TNFSF4: variants seen among roughly 807,000 people sequenced by gnomAD.
TNFSF4 encodes the protein tumor necrosis factor ligand superfamily member 4.
In TNFSF4, 4 loss-of-function variants were observed where a neutral mutation model predicts 7.3. The observed-to-expected ratio is 0.55, with a 90% CI of 0.27 to 1.25. The LOEUF (loss-of-function observed/expected upper bound fraction) is 1.25. Ranked by LOEUF, TNFSF4 falls within the 50% of genes most tolerant of loss-of-function variation. TNFSF4 has a pLI of 0.12. For synonymous variants in TNFSF4, 76 were observed against 83.7 expected, an observed-to-expected ratio of 0.91 and a Z score of 0.50; for missense variants, 181 against 208.8, an observed-to-expected ratio of 0.87 and a Z score of 0.82.
chr1:173,377,418 G>A, the TNFSF4 span, among the ~76,000 whole-genome samples: 8 of 152,256 alleles, frequency 5.3e-5, no homozygotes, highest in East Asian at 1.9e-4. Context: ...GCCAAGGGTC[G>A]ACAGAGAGGA....
the TNFSF4 span, among the ~76,000 whole-genome samples, chr1:173,423,476 C>T: frequency 6.6e-6 from 1 of 152,172 alleles, no homozygotes; most frequent in South Asian, 2.1e-4. Context: ...GCAATAACAG[C>T]TTGATGACTG....
intron 1 of TNFSF4, among the ~76,000 whole-genome samples, chr1:173,206,168 G>A (rs1024331071): frequency 6.6e-6 from 1 of 152,040 alleles, no homozygotes; most frequent in African/African-American, 2.4e-5. Flanking sequence ...AAGATTATCA[G>A]ACTAGCTCAA....
rs894980208 is a variant in TNFSF4 at position 173,185,330 on chromosome 1, G to T, written c.*1186C>A. ...ATAACACATTATATCAAGTTAAGGG[G>T]ACATTTCAACTAAACATAAGGGGAT... On this transcript the variant is annotated 3_prime_UTR_variant, in exon 3 of 3. Coordinates refer to ENST00000281834, the MANE Select transcript of TNFSF4 (RefSeq NM_003326.5). 6.6e-6 allele frequency: 1 copy of T among 152,164 alleles called. No homozygotes were observed. Among genetic ancestry groups the T allele is most frequent in the Non-Finnish European group, 1.5e-5 (1 of 68,036 alleles). The allele number at this position is 152,164 out of a possible 1,614,324, so 9.4% of individuals were successfully genotyped here.
the TNFSF4 span, among the ~76,000 whole-genome samples, chr1:173,413,347 T>G: frequency 6.6e-6 from 1 of 152,212 alleles, no homozygotes; most frequent in African/African-American, 2.4e-5. Context: ...TTTCCCTGTA[T>G]CTGTGGGGGA....
chr1:173,309,603 C>T, the TNFSF4 span, among the ~76,000 whole-genome samples: 1 of 151,570 alleles, frequency 6.6e-6, no homozygotes, highest in Non-Finnish European at 1.5e-5. Flanking sequence ...TTTTTAGGAC[C>T]TATTGCACTT....
chr1:173,271,095 C>A, the TNFSF4 span, among the ~76,000 whole-genome samples: 1 of 152,108 alleles, frequency 6.6e-6, no homozygotes, highest in Non-Finnish European at 1.5e-5. Flanking sequence ...CTGTAGGTTG[C>A]CTGTTCACTC....
the TNFSF4 span, among the ~76,000 whole-genome samples, chr1:173,299,876 T>TATAGTTAA: frequency 6.6e-6 from 1 of 151,802 alleles, no homozygotes; most frequent in African/African-American, 2.4e-5. Context: ...TAAGCAGTTT[T>TATAGTTAA]CTTGTAGTGT....
the TNFSF4 span, among the ~76,000 whole-genome samples, chr1:173,389,048 G>A: frequency 1.3e-5 from 2 of 152,252 alleles, no homozygotes; most frequent in East Asian, 3.9e-4. Flanking sequence ...ATAATTATGT[G>A]CATTACATAT....
chr1:173,269,854 G>A, the TNFSF4 span, among the ~76,000 whole-genome samples: 3 of 152,108 alleles, frequency 2.0e-5, no homozygotes, highest in African/African-American at 4.8e-5. Context: ...GACATGATTT[G>A]ATTCATGTTT....
chr1:173,335,133 A>G, the TNFSF4 span, among the ~76,000 whole-genome samples: 6 of 152,134 alleles, frequency 3.9e-5, no homozygotes, highest in African/African-American at 7.2e-5. Context: ...CCTGACTCTA[A>G]CTGCTTGCTT....
chr1:173,303,001 A>G, the TNFSF4 span, among the ~76,000 whole-genome samples: 1 of 151,906 alleles, frequency 6.6e-6, no homozygotes, highest in Non-Finnish European at 1.5e-5. Flanking sequence ...TTCCTAGTGT[A>G]ACAATTAAAG....
chr1:173,325,435 C>T, the TNFSF4 span, among the ~76,000 whole-genome samples: 1 of 152,002 alleles, frequency 6.6e-6, no homozygotes, highest in African/African-American at 2.4e-5. Flanking sequence ...AATTGACACC[C>T]TAACATCACA....
At chr1:173,179,257 G>A (rs1649009178), downstream of TNFSF4, among the ~76,000 whole-genome samples, 1 of 152,206 alleles carries the variant, frequency 6.6e-6, no homozygotes, top group African/African-American at 2.4e-5. Context: ...TGGAGAAGCT[G>A]AAGCTCCACA....
At chr1:173,378,829 CATAAGGAA>C in the TNFSF4 span, among the ~76,000 whole-genome samples, 2 of 151,694 alleles carry the variant, frequency 1.3e-5, no homozygotes, top group South Asian at 4.2e-4. Context: ...CTCCCCCGCC[CATAAGGAA>C]ATAAGCAAAG....
chr1:173,229,213 A>G, the TNFSF4 span, among the ~76,000 whole-genome samples: 17 of 152,384 alleles, frequency 1.1e-4, no homozygotes, highest in East Asian at 3.3e-3. Context: ...AGGGAAGCCC[A>G]TCAGACTAAC....
At chr1:173,342,485 G>GA in the TNFSF4 span, among the ~76,000 whole-genome samples, 1 of 150,850 alleles carries the variant, frequency 6.6e-6, no homozygotes, top group African/African-American at 2.4e-5. Context: ...CTTCCTTTTT[G>GA]ACAAAACCAC....
chr1:173,445,891 C>T, the TNFSF4 span, among the ~76,000 whole-genome samples: 7 of 151,966 alleles, frequency 4.6e-5, no homozygotes, highest in African/African-American at 1.4e-4. Context: ...GTAGAGGTTC[C>T]GAAAACTGAG....
At chr1:173,246,876 T>G in the TNFSF4 span, among the ~76,000 whole-genome samples, 1 of 152,240 alleles carries the variant, frequency 6.6e-6, no homozygotes, top group South Asian at 2.1e-4. Context: ...TTCTCTCTTT[T>G]GCTTTTCAAA....
At chr1:173,263,060 A>ACAT in the TNFSF4 span, among the ~76,000 whole-genome samples, 1 of 152,234 alleles carries the variant, frequency 6.6e-6, no homozygotes, top group East Asian at 1.9e-4. Flanking sequence ...AGAATAAAAT[A>ACAT]CATAGGAATA....
Sources: allele counts gnomAD v4.1 joint callset (sites outside exome capture counted in the v4.1 genomes callset), GRCh38; gene constraint gnomAD v4.1.1; transcripts MANE v1.5; gene names NCBI Gene and HGNC (gene_info 2026-07-23, HGNC 2026-07-21).